The following HIVEP3 variants were observed in gnomAD, a reference collection of about 807,000 sequenced individuals.
HIVEP3 encodes transcription factor HIVEP3.
In HIVEP3, 49 loss-of-function variants were observed where a neutral mutation model predicts 152.8. That is an observed-to-expected ratio of 0.32 (90% CI 0.26 to 0.41). HIVEP3 has a LOEUF of 0.41. HIVEP3 is among the 10% of genes least tolerant of loss of function. HIVEP3 has a pLI of 1.00. For missense variants in HIVEP3, 2,790 were observed against 3,103.3 expected (o/e 0.90, Z 2.40); for synonymous variants, 1,269 against 1,289.0 (o/e 0.98, Z 0.33).
chr1:41,583,846 T>C lies in HIVEP3; in HGVS notation c.952A>G (p.Ser318Gly). 6.2e-7 allele frequency: 1 copy of C among 1,609,942 alleles called. No homozygotes were observed. The highest frequency in any genetic ancestry group is 8.5e-7 in the Non-Finnish European group (1 of 1,177,558). ...AGGGAACAGCGTTCGTGGCTGGAACTGTGGCTCCCAGAGCTGTATAGCCCG... is the reference window on the plus strand; with the variant it reads ...AGGGAACAGCGTTCGTGGCTGGAACCGTGGCTCCCAGAGCTGTATAGCCCG... ...SSGLYSSGSH[S>G]SSHERCSLSQ... Residue 318 changes from serine to glycine, a missense_variant, in exon 4 of 9, where the codon AGT becomes GGT. Coordinates refer to ENST00000372583, the MANE Select transcript of HIVEP3 (RefSeq NM_024503.5). The surrounding 1 kb of genome is among the most constrained non-coding windows in gnomAD (Gnocchi z 6.9).
At chr1:41,775,002 G>A (rs1035010889) in intron 1 of HIVEP3, among the ~76,000 whole-genome samples, 5 of 151,718 alleles carry the variant, frequency 3.3e-5, no homozygotes, top group South Asian at 2.1e-4. Flanking sequence ...GGGGTTTCAC[G>A]ATGTTGCCCA....
chr1:41,538,601 C>CA (rs1311290794), intron 5 of HIVEP3, among the ~76,000 whole-genome samples: 1 of 152,122 alleles, frequency 6.6e-6, no homozygotes, highest in Non-Finnish European at 1.5e-5. Flanking sequence ...CTAAGAATAG[C>CA]AAACGCCTTT....
chr1:41,937,761 A>G (rs867603077), intron 1 of HIVEP3, among the ~76,000 whole-genome samples: 5 of 152,282 alleles, frequency 3.3e-5, no homozygotes, highest in Middle Eastern at 3.4e-3. Context: ...TCAACTAATA[A>G]TATCTATTTT....
At chr1:41,730,410 A>T (rs1404491180) in intron 1 of HIVEP3, among the ~76,000 whole-genome samples, 1 of 152,188 alleles carries the variant, frequency 6.6e-6, no homozygotes, top group Non-Finnish European at 1.5e-5. Context: ...CTGGGCCTGC[A>T]CAACCCTGCA....
intron 1 of HIVEP3, among the ~76,000 whole-genome samples, chr1:41,861,005 G>C (rs368254236): frequency 6.6e-6 from 1 of 152,300 alleles, no homozygotes; most frequent in East Asian, 1.9e-4. Context: ...TTAAAATCCC[G>C]AACTACGAGG....
At chr1:41,532,529 C>A (rs1470076987) in intron 5 of HIVEP3, among the ~76,000 whole-genome samples, 1 of 152,118 alleles carries the variant, frequency 6.6e-6, no homozygotes, top group African/African-American at 2.4e-5. Context: ...AGGATATTCC[C>A]TGGCCATGGG....
intron 1 of HIVEP3, among the ~76,000 whole-genome samples, chr1:41,805,838 T>C (rs927429288): frequency 3.3e-5 from 5 of 152,158 alleles, no homozygotes; most frequent in Non-Finnish European, 7.4e-5. Context: ...GCACCTCTTT[T>C]GGGGGTCTGA....
At chr1:42,034,133 G>C (rs1645628190) in intron 1 of HIVEP3, among the ~76,000 whole-genome samples, 1 of 152,132 alleles carries the variant, frequency 6.6e-6, no homozygotes, top group Non-Finnish European at 1.5e-5. Context: ...AAATAAATTA[G>C]CATGGGTGAA....
intron 5 of HIVEP3, among the ~76,000 whole-genome samples, chr1:41,573,156 G>GA (rs1006202428): frequency 3.3e-5 from 5 of 151,844 alleles, no homozygotes; most frequent in South Asian, 2.1e-4. Context: ...AAAAAAGAAA[G>GA]AAAAAAAAGG....
intron 2 of HIVEP3, among the ~76,000 whole-genome samples, chr1:41,637,410 G>A (rs987418511): frequency 5.9e-5 from 9 of 152,172 alleles, no homozygotes; most frequent in African/African-American, 2.2e-4. Context: ...TCTATGTGAC[G>A]TACAAGCTTC....
Position 41,575,608 on chromosome 1 carries a change from G to T in HIVEP3, c.5143C>A (p.Pro1715Thr). 3 of 1,613,952 alleles carry T rather than the reference G, an allele frequency of 1.9e-6. No homozygotes were observed. In the African/African-American group the frequency reaches 4.0e-5, roughly 22 times the overall value. ...VEKEEERRGE[P>T]EEDAPASQRG... ...TGGGAGGCAGGAGCATCCTCCTCCG[G>T]CTCCCCTCTCCTCTCTTCTTCCTTC... Residue 1715 changes from proline (P) to threonine (T), a missense_variant, in exon 5 of 9, where the codon CCG becomes ACG. Pro to Thr is a conservative substitution (Grantham distance 38). Transcript: ENST00000372583.
intron 3 of HIVEP3, among the ~76,000 whole-genome samples, chr1:41,618,839 CTT>C (rs1222187470): frequency 1.3e-5 from 2 of 152,222 alleles, no homozygotes; most frequent in Admixed American, 6.5e-5. Context: ...TCTCAGAACT[CTT>C]TCTCTTATAC....
At chr1:41,675,740 C>A (rs774016652) in intron 2 of HIVEP3, among the ~76,000 whole-genome samples, 19 of 152,196 alleles carry the variant, frequency 1.2e-4, no homozygotes, top group Admixed American at 3.9e-4. Context: ...TACCACTCAT[C>A]GTGAATTCCC....
intron 1 of HIVEP3, among the ~76,000 whole-genome samples, chr1:42,010,468 A>C (rs1202321120): frequency 6.6e-6 from 1 of 152,184 alleles, no homozygotes; most frequent in Non-Finnish European, 1.5e-5. Context: ...GGCTGACTCT[A>C]GCCTTTGTGT....
At chr1:41,619,058 C>A (rs1645009034) in intron 3 of HIVEP3, among the ~76,000 whole-genome samples, 1 of 152,046 alleles carries the variant, frequency 6.6e-6, no homozygotes, top group South Asian at 2.1e-4. Context: ...GGCAGGACAG[C>A]CCACTCCTCT....
At chr1:41,618,832 C>T (rs1299502567) in intron 3 of HIVEP3, among the ~76,000 whole-genome samples, 1 of 152,242 alleles carries the variant, frequency 6.6e-6, no homozygotes, top group Non-Finnish European at 1.5e-5. Flanking sequence ...GCTCCCCTCT[C>T]AGAACTCTTT....
rs568511859 is a variant in HIVEP3, at chr1:42,016,975, G to A, written n.119+18832C>T. On this transcript the variant is annotated intron_variant and non_coding_transcript_variant, in intron 1 of 3. Coordinates refer to the HIVEP3 transcript ENST00000489103. Reference sequence around the variant, plus strand: ...CATTTTAAAGTCCTCCAAAAATGCTGTAGAAACAAATTATTCTAATAATCA... The same window carrying A: ...CATTTTAAAGTCCTCCAAAAATGCTATAGAAACAAATTATTCTAATAATCA... Among the ~76,000 whole-genome samples, 22 of 152,200 alleles carry A rather than the reference G, an allele frequency of 1.4e-4. 1 individual carries two copies. The highest frequency in any genetic ancestry group is 5.1e-4 in the African/African-American group (21 of 41,552).
chr1:41,693,896 G>C (rs1233000628), intron 2 of HIVEP3, among the ~76,000 whole-genome samples: 2 of 152,152 alleles, frequency 1.3e-5, no homozygotes, highest in Non-Finnish European at 2.9e-5. Flanking sequence ...GGAATCACCT[G>C]CATTTTCATC....
intron 1 of HIVEP3, among the ~76,000 whole-genome samples, chr1:41,952,396 C>T (rs1172005717): frequency 6.6e-6 from 1 of 151,638 alleles, no homozygotes; most frequent in African/African-American, 2.4e-5. Context: ...CCCTCTTCTC[C>T]AACCACATTG....
Sources: allele counts gnomAD v4.1 joint callset (sites outside exome capture counted in the v4.1 genomes callset), GRCh38; gene constraint gnomAD v4.1.1; non-coding constraint Gnocchi (gnomAD v3.1); transcripts MANE v1.5; gene names NCBI Gene and HGNC (gene_info 2026-07-23, HGNC 2026-07-21).